PAX5: variants seen among roughly 807,000 people sequenced by gnomAD.
PAX5 encodes the protein paired box 5.
PAX5 carries 9 observed loss-of-function variants against 43.7 expected under a neutral mutation model. The observed-to-expected ratio is 0.21, with a 90% confidence interval of 0.12 to 0.36. PAX5 has a LOEUF of 0.36. PAX5 is among the 10% of genes least tolerant of loss of function. The pLI is 1.00. For synonymous variants in PAX5, 228 were observed against 214.3 expected, an observed-to-expected ratio of 1.06 and a Z score of -0.56; for missense variants, 383 against 532.7, an observed-to-expected ratio of 0.72 and a Z score of 2.77.
At position 37,033,927 on chromosome 9, in the gene PAX5, G is replaced by A. The variant is rs1374920279; in HGVS notation, c.46+59C>T. 18 of 1,557,976 alleles carry A rather than the reference G, an allele frequency of 1.2e-5. No homozygotes were observed. The East Asian group carries it at 3.8e-4, about 33-fold the overall frequency. The stretch of plus-strand genomic sequence containing the variant: ...CTCCTCCAGGGTCACCCTGCGTGGG[G>A]ACCAAGGCCTGGCCGTGTCCCGGAG... On this transcript the variant is annotated intron_variant, in intron 1 of 9. Transcript: ENST00000358127.
At chr9:36,939,057 C>T (rs1215516715) in intron 6 of PAX5, among the ~76,000 whole-genome samples, 2 of 152,234 alleles carry the variant, frequency 1.3e-5, no homozygotes, top group Non-Finnish European at 2.9e-5. Flanking sequence ...ATGCACCTGG[C>T]CAGGGCCTTT....
intron 8 of PAX5, among the ~76,000 whole-genome samples, chr9:36,870,755 C>G (rs555476144): frequency 6.6e-6 from 1 of 152,320 alleles, no homozygotes; most frequent in East Asian, 1.9e-4. Context: ...TTGGCTGGGA[C>G]ACCAACCTCA....
At chr9:36,958,405 T>A (rs1833675999) in intron 6 of PAX5, among the ~76,000 whole-genome samples, 1 of 150,930 alleles carries the variant, frequency 6.6e-6, no homozygotes, top group Non-Finnish European at 1.5e-5. Context: ...ATCAGGAAGC[T>A]CAGAATCAAA....
Position 36,836,683 on chromosome 9 carries a change from T to C in PAX5, c.*3877A>G, listed in dbSNP as rs956509299. 9 of 232,186 alleles carry C rather than the reference T, an allele frequency of 3.9e-5. No homozygotes were observed. Among genetic ancestry groups the C allele is most frequent in the Non-Finnish European group, 7.7e-5 (9 of 117,490 alleles). The allele number at this position is 232,186 out of a possible 1,614,324, so 14.4% of individuals were successfully genotyped here. On this transcript the variant is annotated 3_prime_UTR_variant, in exon 10 of 10. Coordinates refer to ENST00000358127, the MANE Select transcript of PAX5 (RefSeq NM_016734.3). ...TCAGGGGACTTGAGATTGTGATCTG[T>C]GTTTCCAGGGGCTGTGGACACCCTG...
rs1433178126 is a variant in PAX5 at position 36,882,242 on chromosome 9, G to T, written c.911-137C>A. On this transcript the variant is annotated intron_variant, in intron 7 of 9. Transcript: ENST00000358127. The surrounding 1 kb of genome is among the most constrained non-coding windows in gnomAD (Gnocchi z 4.4). ...AATGTGCCCCCAGCTCCCCCCTGTC[G>T]CTCACACGCTCTCACAAACACACAT... 5.7e-5 allele frequency: 35 copies of T among 609,792 alleles called. No individual in the cohort carries two copies. The highest frequency in any genetic ancestry group is 1.2e-4 in the Admixed American group (4 of 32,728). The allele number at this position is 609,792 out of a possible 1,614,324, so 37.8% of individuals were successfully genotyped here. A position where few individuals can be genotyped will look rare whatever the true frequency, so the allele number is the denominator to read the frequency against.
rs10663927 is a variant in PAX5 at position 36,984,435 on chromosome 9, C to CTTTTTTTTTTTTTTTTTTTTT, written c.605-17732_605-17712dup. Among the ~76,000 whole-genome samples the CTTTTTTTTTTTTTTTTTTTTT allele has an allele frequency of 1.6e-4, 11 of 66,882 alleles. 1 individual carries two copies. The highest frequency in any genetic ancestry group is 7.3e-4 in the African/African-American group (11 of 15,110). The allele number at this position is 66,882 out of a possible 152,430, so 43.9% of individuals were successfully genotyped here. A position where few individuals can be genotyped will look rare whatever the true frequency, so the allele number is the denominator to read the frequency against. ...GCCCTGGATTGGTTATTGAACCTCT[C>CTTTTTTTTTTTTTTTTTTTTT]TTTTTTTTTTTTTTTTTTTTTTGAG... On this transcript the variant is annotated intron_variant, in intron 5 of 9. Coordinates refer to ENST00000358127, the MANE Select transcript of PAX5 (RefSeq NM_016734.3).
At chr9:36,910,947 C>T (rs1829230371) in intron 7 of PAX5, among the ~76,000 whole-genome samples, 1 of 152,088 alleles carries the variant, frequency 6.6e-6, no homozygotes, top group South Asian at 2.1e-4. Flanking sequence ...TTCATTCATT[C>T]GTTCATTCAT....
intron 8 of PAX5, among the ~76,000 whole-genome samples, chr9:36,871,189 AG>A (rs1157543424): frequency 6.6e-6 from 1 of 152,222 alleles, no homozygotes; most frequent in African/African-American, 2.4e-5. Context: ...GCTGTGTGGC[AG>A]GGGCTGAGGA....
At chr9:36,889,586 G>A (rs1053036601) in intron 7 of PAX5, among the ~76,000 whole-genome samples, 3 of 152,146 alleles carry the variant, frequency 2.0e-5, no homozygotes, top group Non-Finnish European at 4.4e-5. Context: ...AAACGGAGGC[G>A]TTCTGGCACC....
chr9:36,872,899 G>A (rs923315106), intron 8 of PAX5, among the ~76,000 whole-genome samples: 1 of 152,184 alleles, frequency 6.6e-6, no homozygotes, highest in African/African-American at 2.4e-5. Context: ...GTGTGGGTGT[G>A]ACTGGGACCC....
intron 5 of PAX5, among the ~76,000 whole-genome samples, chr9:36,985,920 GAA>G (rs1836359635): frequency 6.6e-6 from 1 of 152,246 alleles, no homozygotes; most frequent in South Asian, 2.1e-4. Flanking sequence ...ACAGAGGGAA[GAA>G]AGAGTGGCAG....
intron 6 of PAX5, among the ~76,000 whole-genome samples, chr9:36,927,561 C>T (rs10758416): frequency 0.53 from 81,053 of 151,944 alleles, 21,727 homozygotes; most frequent in East Asian, 0.73. Context: ...ATACATGCAG[C>T]GGGAGGTCCG....
intron 9 of PAX5, 126 bp downstream of exon 9, chr9:36,846,717 C>T: frequency 1.6e-6 from 1 of 631,596 alleles, no homozygotes; most frequent in South Asian, 1.9e-5. Flanking sequence ...CTCCATGTGT[C>T]TGGGCAAGCT....
intron 6 of PAX5, among the ~76,000 whole-genome samples, chr9:36,941,338 A>G (rs927434207): frequency 1.3e-5 from 2 of 152,206 alleles, no homozygotes; most frequent in Non-Finnish European, 2.9e-5. Context: ...TTTGCTATCT[A>G]TTCTTTTTAC....
At chr9:36,863,274 A>G (rs904449771) in intron 8 of PAX5, among the ~76,000 whole-genome samples, 1 of 151,944 alleles carries the variant, frequency 6.6e-6, no homozygotes, top group African/African-American at 2.4e-5. Flanking sequence ...TTATTCTTTT[A>G]TTTTTTAGAA....
At chr9:37,001,036 A>G (rs745343350) in intron 5 of PAX5, among the ~76,000 whole-genome samples, 3 of 152,134 alleles carry the variant, frequency 2.0e-5, no homozygotes, top group Admixed American at 1.3e-4. Flanking sequence ...AATACCCCCA[A>G]ATGGGCTGCA....
At chr9:36,951,542 T>C (rs1833010349) in intron 6 of PAX5, among the ~76,000 whole-genome samples, 1 of 152,206 alleles carries the variant, frequency 6.6e-6, no homozygotes, top group South Asian at 2.1e-4. Flanking sequence ...CTATCACATT[T>C]TATTTGGTTA....
Position 37,034,133 on chromosome 9 carries a change from AG to A in PAX5, c.-103del. On this transcript the variant is annotated 5_prime_UTR_variant, in exon 1 of 10. Coordinates refer to ENST00000358127, the MANE Select transcript of PAX5 (RefSeq NM_016734.3). The stretch of plus-strand genomic sequence containing the variant: ...TTTTTTTTTTTTTTTTTTTGGTGCC[AG>A]GGGCCGCTCACAGGTCGGAATAATT... 1.9e-6 allele frequency: 1 copy of A among 529,706 alleles called. No homozygotes were observed. Among genetic ancestry groups the A allele is most frequent in the Non-Finnish European group, 2.9e-6 (1 of 341,782 alleles). 32.8% of individuals were successfully genotyped at this position (529,706 alleles called of 1,614,324 possible).
In PAX5 at chr9:36,839,300, C is replaced by G; in HGVS notation, c.*1260G>C. On this transcript the variant is annotated 3_prime_UTR_variant, in exon 10 of 10. Transcript: ENST00000358127. ...AAGTTCCCGTGGCCCTTGGCCGTGG[C>G]CCTGACCATCGCGGCCCCTTAGATC... The G allele has an allele frequency of 4.3e-6, 1 of 233,556 alleles. No individual in the cohort carries two copies. The highest frequency in any genetic ancestry group is 8.5e-6 in the Non-Finnish European group (1 of 118,216). The allele number at this position is 233,556 out of a possible 1,614,324, so 14.5% of individuals were successfully genotyped here. A position where few individuals can be genotyped will look rare whatever the true frequency, so the allele number is the denominator to read the frequency against.
Sources: gnomAD v4.1 joint callset for allele counts (sites outside exome capture counted in the v4.1 genomes callset) on GRCh38, gnomAD v4.1.1 for gene constraint, Gnocchi (gnomAD v3.1) non-coding constraint, MANE v1.5 for transcripts, NCBI Gene and HGNC (gene_info 2026-07-23, HGNC 2026-07-21) for gene names.